AP5Z1: variants seen among roughly 807,000 people sequenced by gnomAD.
The protein encoded by AP5Z1 is adaptor related protein complex 5 subunit zeta 1.
In AP5Z1, 106 loss-of-function variants were observed where a neutral mutation model predicts 83.0. That is an observed-to-expected ratio of 1.28 (90% CI 1.09 to 1.50). The LOEUF (loss-of-function observed/expected upper bound fraction) is 1.50, where lower values mean the gene tolerates loss of function less well. Among genes scored for constraint, AP5Z1 ranks in the 40% most tolerant of loss-of-function variants. The pLI is 0.00. For missense variants in AP5Z1, 1,565 were observed against 1,094.2 expected (o/e 1.43, Z -6.07); for synonymous variants, 751 against 514.1 (o/e 1.46, Z -6.23).
At chr7:4,775,910 C>T (rs144682050) in intron 1 of AP5Z1, among the ~76,000 whole-genome samples, 154 bp downstream of exon 1, 5 of 152,080 alleles carry the variant, frequency 3.3e-5, no homozygotes, top group Admixed American at 1.3e-4. Context: ...GGCAACACGG[C>T]GGCCAGGCTT....
chr7:4,786,989 C>T (rs1209155136), intron 10 of AP5Z1, among the ~76,000 whole-genome samples: 1 of 151,910 alleles, frequency 6.6e-6, no homozygotes, highest in Non-Finnish European at 1.5e-5. Context: ...CCAGGCTGGT[C>T]TCGAACTCCT....
In AP5Z1 at chr7:4,787,704, G is replaced by A. The variant is rs1781594411; in HGVS notation, c.1382G>A (p.Gly461Asp). 6.4e-7 allele frequency: 1 copy of A among 1,551,402 alleles called. No homozygotes were observed. ...CTCCTCCCGGCCCTGGTGGACGCTG[G>A]CACAGCCCTGGAGATGCTGCACGCG... ...VALLPALVDA[G>D]TALEMLHALL... The change falls in exon 11 of 17, where the codon GGC becomes GAC. Residue 461 changes from glycine to aspartate, a missense_variant. Physicochemically the swap from Gly to Asp is moderately conservative, Grantham distance 94 (BLOSUM62 -1). Coordinates refer to ENST00000649063, the MANE Select transcript of AP5Z1 (RefSeq NM_014855.3).
intron 1 of AP5Z1, among the ~76,000 whole-genome samples, chr7:4,779,356 T>C (rs964309503): frequency 6.9e-6 from 1 of 145,494 alleles, no homozygotes; most frequent in Admixed American, 6.8e-5. Context: ...TAACATGTTA[T>C]ATATCATAAC....
chr7:4,775,702 G>C lies in AP5Z1; in HGVS notation c.-14G>C, dbSNP rs1425870758. On this transcript the variant is annotated 5_prime_UTR_variant, in exon 1 of 17. Transcript: ENST00000649063. ...AGTTTCCGAGGTTCGTGCGCGTCTG[G>C]TGGCGGCGGCGTGATGTTCTCGGCA... 1.2e-6 allele frequency: 2 copies of C among 1,606,938 alleles called. No individual in the cohort carries two copies. Among genetic ancestry groups the C allele is most frequent in the East Asian group, 4.5e-5 (2 of 44,876 alleles).
chr7:4,791,209 C>T lies in AP5Z1; in HGVS notation c.2248C>T (p.Arg750Trp), dbSNP rs376075136. Residue 750 changes from arginine (R) to tryptophan (W), a missense_variant, in exon 17 of 17, where the codon CGG (arginine) becomes TGG (tryptophan). Coordinates refer to ENST00000649063, the MANE Select transcript of AP5Z1 (RefSeq NM_014855.3). The stretch of plus-strand genomic sequence containing the variant: ...GGAGGGCGCGGAAGCCATCCGTACC[C>T]GGGCCACAGAGCTGCTGACCCTGCT... Reference protein sequence around the residue: ...SEEGAEAIRTRATELLTLLKM... With the variant: ...SEEGAEAIRTWATELLTLLKM... The T allele has an allele frequency of 5.4e-5, 87 of 1,612,672 alleles. No individual in the cohort carries two copies. Among genetic ancestry groups the T allele is most frequent in the East Asian group, 2.9e-4 (13 of 44,870 alleles).
chr7:4,785,607 C>CTCT lies in AP5Z1; in HGVS notation c.1055_1056insTCT (p.Leu353dup). On this transcript the variant is annotated inframe_insertion, in exon 9 of 17. Coordinates refer to ENST00000649063, the MANE Select transcript of AP5Z1 (RefSeq NM_014855.3). The stretch of plus-strand genomic sequence containing the variant: ...TACCGAAGTCTCTCCTGCCTGAAGG[C>CTCT]CCTGCACGGGCGGGTGCGCGGGGAC... 1 of 1,592,430 alleles carries CTCT rather than the reference C, an allele frequency of 6.3e-7. No homozygotes were observed. Among genetic ancestry groups the CTCT allele is most frequent in the Non-Finnish European group, 8.5e-7 (1 of 1,171,696 alleles).
chr7:4,783,847 C>T (rs1411713654), intron 5 of AP5Z1, 49 bp downstream of exon 5: 2 of 1,514,618 alleles, frequency 1.3e-6, no homozygotes, highest in East Asian at 2.5e-5. Flanking sequence ...TCACAGACAA[C>T]CCCTCCCTGA....
chr7:4,782,074 A>T (rs1026634657), intron 3 of AP5Z1, among the ~76,000 whole-genome samples: 4 of 152,018 alleles, frequency 2.6e-5, no homozygotes, highest in African/African-American at 9.7e-5. Context: ...TTTTTTAGAA[A>T]CAGGGTCTCA....
At position 4,781,315 on chromosome 7, in the gene AP5Z1, G is replaced by A. The variant is rs1255257676; in HGVS notation, c.179+3G>A. Reference sequence around the variant, plus strand: ...TCAGCCACGAAGTACAGCCGGAGGTGAGTGTGGCGACGGCTCAGGCCGGCT... The same window carrying A: ...TCAGCCACGAAGTACAGCCGGAGGTAAGTGTGGCGACGGCTCAGGCCGGCT... On this transcript the variant is annotated splice_donor_region_variant and intron_variant, in intron 2 of 16. Transcript: ENST00000649063. 4 of 1,613,032 alleles carry A rather than the reference G, an allele frequency of 2.5e-6. No homozygotes were observed. Among genetic ancestry groups the A allele is most frequent in the Admixed American group, 3.3e-5 (2 of 60,026 alleles).
chr7:4,790,737 A>G lies in AP5Z1; in HGVS notation c.2003A>G (p.Asn668Ser). Residue 668 changes from asparagine to serine, a missense_variant, in exon 16 of 17, where the codon AAC (asparagine) becomes AGC (serine). Transcript: ENST00000649063. Reference sequence around the variant, plus strand: ...CGGAGGTGCACCGTGGAGCAGATCAACAAGTTCTTCGAAGCCCTGGAGGCT... The same window carrying G: ...CGGAGGTGCACCGTGGAGCAGATCAGCAAGTTCTTCGAAGCCCTGGAGGCT... ...YDRRCTVEQI[N>S]KFFEALEALL... 6.2e-7 allele frequency: 1 copy of G among 1,610,592 alleles called. No homozygotes were observed. The highest frequency in any genetic ancestry group is 1.1e-5 in the South Asian group (1 of 90,708).
intron 11 of AP5Z1, 23 bp from the exon 12 acceptor site, chr7:4,788,131 G>T (rs778849903): frequency 2.9e-5 from 44 of 1,509,260 alleles, no homozygotes; most frequent in Non-Finnish European, 3.4e-5. Context: ...TCCCAGCCTG[G>T]CCTTGGGCGT....
chr7:4,788,704 C>A, intron 12 of AP5Z1, 136 bp from the exon 13 acceptor site: 1 of 743,150 alleles, frequency 1.3e-6, no homozygotes, highest in Non-Finnish European at 2.1e-6. Context: ...CCCAGGGGAG[C>A]AGGAGGTCCC....
intron 13 of AP5Z1, 198 bp downstream of exon 13, chr7:4,789,149 C>T (rs1353831608): frequency 7.4e-6 from 4 of 540,972 alleles, no homozygotes; most frequent in Non-Finnish European, 1.3e-5. Context: ...CCCCTTTATT[C>T]CAGCAGGCCC....
chr7:4,786,258 G>C lies in AP5Z1; in HGVS notation c.1141G>C (p.Ala381Pro). The stretch of plus-strand genomic sequence containing the variant: ...GGGCCCTGGTCTTGCAGGGGAAGCG[G>C]CTGCAGTGGACTCGGAAGCCGTCTA... ...AHFFLSHGEAAAVDSEAVYQH... is the reference protein window; with the variant it reads ...AHFFLSHGEAPAVDSEAVYQH... The change falls in exon 10 of 17, where the codon GCT becomes CCT. Residue 381 changes from alanine to proline, a missense_variant. Ala to Pro is a conservative substitution (Grantham distance 27, BLOSUM62 -1). Coordinates refer to ENST00000649063, the MANE Select transcript of AP5Z1 (RefSeq NM_014855.3). The C allele has an allele frequency of 6.2e-7, 1 of 1,605,370 alleles. No individual in the cohort carries two copies. Among genetic ancestry groups the C allele is most frequent in the South Asian group, 1.1e-5 (1 of 90,326 alleles).
chr7:4,783,286 A>G (rs754109546), intron 3 of AP5Z1, 30 bp from the exon 4 acceptor site: 2 of 1,570,556 alleles, frequency 1.3e-6, no homozygotes, highest in South Asian at 1.2e-5. Context: ...ACAGGCCAGT[A>G]CCCCAGCGTT....
intron 3 of AP5Z1, 51 bp from the exon 4 acceptor site, chr7:4,783,265 T>C: frequency 1.3e-6 from 2 of 1,515,268 alleles, no homozygotes; most frequent in South Asian, 1.2e-5. Flanking sequence ...ATGGGGGAGC[T>C]GGTCTCTGGC....
Position 4,784,936 on chromosome 7 carries a change from T to C in AP5Z1, c.819T>C (p.Thr273=). ...TDDRSEQEGS[T]LSVISATSSA... Reference sequence around the variant, plus strand: ...ACAGGTCAGAGCAGGAGGGCTCCACTCTGTCGGTGATCTCCGCCACCTCCT... The same window carrying C: ...ACAGGTCAGAGCAGGAGGGCTCCACCCTGTCGGTGATCTCCGCCACCTCCT... The change falls in exon 7 of 17, where the codon ACT becomes ACC. Residue 273 remains threonine (T), a synonymous_variant. Transcript: ENST00000649063. 1 of 1,611,978 alleles carries C rather than the reference T, an allele frequency of 6.2e-7. No individual in the cohort carries two copies. Among genetic ancestry groups the C allele is most frequent in the Non-Finnish European group, 8.5e-7 (1 of 1,179,446 alleles).
intron 1 of AP5Z1, among the ~76,000 whole-genome samples, chr7:4,779,240 A>G (rs1781309099): frequency 6.8e-6 from 1 of 146,970 alleles, no homozygotes; most frequent in Admixed American, 6.9e-5. Context: ...GATATAACAT[A>G]TATAACATTA....
Position 4,787,772 on chromosome 7 carries a change from C to T in AP5Z1, c.1450C>T (p.Leu484Phe), listed in dbSNP as rs1385466825. The T allele has an allele frequency of 2.6e-6, 4 of 1,533,520 alleles. No individual in the cohort carries two copies. The East Asian group carries it at 9.8e-5, about 37-fold the overall frequency. 95.0% of individuals were successfully genotyped at this position (1,533,520 alleles called of 1,614,324 possible). The part of the protein sequence containing the change: ...PCLTAVLDLQ[L>F]RSAPAASERP... ...CTTGACGGCGGTGCTGGACCTGCAGCTCAGGTGGGCCCCTCACCCTCTGCC... is the reference window on the plus strand; with the variant it reads ...CTTGACGGCGGTGCTGGACCTGCAGTTCAGGTGGGCCCCTCACCCTCTGCC... The change falls in exon 11 of 17, where the codon CTC (leucine) becomes TTC (phenylalanine). Residue 484 changes from leucine (L) to phenylalanine (F), a missense_variant. Leu to Phe is a conservative substitution (Grantham distance 22). Coordinates refer to ENST00000649063, the MANE Select transcript of AP5Z1 (RefSeq NM_014855.3).
Sources: gnomAD v4.1 joint callset for allele counts (sites outside exome capture counted in the v4.1 genomes callset) on GRCh38, gnomAD v4.1.1 for gene constraint, MANE v1.5 for transcripts, NCBI Gene and HGNC (gene_info 2026-07-23, HGNC 2026-07-21) for gene names.